Variants in SLC44A1 observed in about 807,000 individuals in gnomAD.
The protein encoded by SLC44A1 is choline transporter-like protein 1.
In SLC44A1, 26 loss-of-function variants were observed where a neutral mutation model predicts 79.3. The ratio of observed to expected loss-of-function variants is 0.33; its 90% CI spans 0.24 to 0.46. SLC44A1 has a LOEUF of 0.46. SLC44A1 is among the 20% of genes least tolerant of loss of function. SLC44A1 has a pLI of 1.00. For missense variants in SLC44A1, 688 were observed against 798.1 expected (o/e 0.86, Z 1.66); for synonymous variants, 263 against 286.2 (o/e 0.92, Z 0.82).
chr9:105,248,726 A>G (rs1278222425), intron 1 of SLC44A1, among the ~76,000 whole-genome samples: 2 of 152,212 alleles, frequency 1.3e-5, no homozygotes, highest in East Asian at 1.9e-4. Flanking sequence ...TAAGGCTCTT[A>G]AAATTTATTC....
intron 3 of SLC44A1, among the ~76,000 whole-genome samples, chr9:105,332,248 T>C (rs1826776188): frequency 6.6e-6 from 1 of 151,818 alleles, no homozygotes; most frequent in Non-Finnish European, 1.5e-5. Context: ...GCCTCCCAAG[T>C]AGCTGGAATT....
intron 5 of SLC44A1, chr9:105,355,935 G>A (rs1184852281): frequency 4.9e-6 from 2 of 409,692 alleles, no homozygotes; most frequent in Non-Finnish European, 8.8e-6. Context: ...GTGTGTATGT[G>A]TGTGTGTGTG....
intron 1 of SLC44A1, among the ~76,000 whole-genome samples, chr9:105,268,759 A>T (rs1830016003): frequency 6.6e-6 from 1 of 152,152 alleles, no homozygotes; most frequent in Admixed American, 6.5e-5. Context: ...TTGGCCTCCA[A>T]AGTGCTGGGA....
rs114283304 is a variant in SLC44A1, at chr9:105,421,120, A to C, written c.1951-17161A>C. Among the ~76,000 whole-genome samples, 918 of 152,256 alleles carry C rather than the reference A, an allele frequency of 6.0e-3. 8 individuals carry two copies. Among genetic ancestry groups the C allele is most frequent in the African/African-American group, 0.021 (854 of 41,542 alleles). On this transcript the variant is annotated intron_variant, in intron 15 of 15. Transcript: ENST00000374724. ...TTAAAAACTATTTCACCTTAAAATT[A>C]TTTATTTTCCTTATAAAACAATACC...
intron 15 of SLC44A1, among the ~76,000 whole-genome samples, chr9:105,434,417 A>C (rs991218351): frequency 2.6e-5 from 4 of 152,232 alleles, no homozygotes; most frequent in Non-Finnish European, 5.9e-5. Flanking sequence ...AATAGAAAAA[A>C]GTGTAAAATT....
At chr9:105,296,883 A>G (rs1247913568) in intron 1 of SLC44A1, among the ~76,000 whole-genome samples, 1 of 152,186 alleles carries the variant, frequency 6.6e-6, no homozygotes, top group Non-Finnish European at 1.5e-5. Context: ...GTTCTTGATC[A>G]TAGATTTTAG....
intron 15 of SLC44A1, chr9:105,386,444 TTCTG>T: frequency 1.0e-6 from 1 of 984,046 alleles, no homozygotes; most frequent in African/African-American, 1.7e-5. Context: ...GGACTTTCCT[TTCTG>T]TCTTCTTTAC....
chr9:105,301,808 G>C (rs558559395), intron 2 of SLC44A1, among the ~76,000 whole-genome samples: 1 of 152,278 alleles, frequency 6.6e-6, no homozygotes, highest in South Asian at 2.1e-4. Context: ...ATAGGAACTG[G>C]AACTTTCTGG....
chr9:105,385,797 G>A, intron 15 of SLC44A1: 1 of 985,398 alleles, frequency 1.0e-6, no homozygotes. Flanking sequence ...TGTTGCTCTT[G>A]TTTCCTTTTT....
intron 12 of SLC44A1, among the ~76,000 whole-genome samples, chr9:105,368,567 C>T (rs1355267851): frequency 2.0e-5 from 3 of 152,086 alleles, no homozygotes; most frequent in Non-Finnish European, 4.4e-5. Flanking sequence ...AATCATTTTG[C>T]CTTGCTCTTT....
intron 1 of SLC44A1, among the ~76,000 whole-genome samples, chr9:105,277,472 A>C (rs1830234991): frequency 6.6e-6 from 1 of 152,080 alleles, no homozygotes; most frequent in African/African-American, 2.4e-5. Flanking sequence ...CTCAAATCTC[A>C]AGCAGGCCAC....
intron 4 of SLC44A1, among the ~76,000 whole-genome samples, chr9:105,346,682 T>G (rs1282700243): frequency 6.6e-6 from 1 of 152,168 alleles, no homozygotes; most frequent in Admixed American, 6.6e-5. Flanking sequence ...TCTAGTGGCA[T>G]TATATTCAAG....
intron 1 of SLC44A1, among the ~76,000 whole-genome samples, chr9:105,256,055 C>G (rs995430477): frequency 6.6e-6 from 1 of 152,066 alleles, no homozygotes; most frequent in African/African-American, 2.4e-5. Flanking sequence ...GCTCTGTCAC[C>G]CTGGCTGGAG....
chr9:105,336,803 C>A (rs1287858204), intron 4 of SLC44A1, among the ~76,000 whole-genome samples: 1 of 152,202 alleles, frequency 6.6e-6, no homozygotes, highest in Admixed American at 6.5e-5. Flanking sequence ...TTCCGTTGTT[C>A]CATGCCCTCA....
At chr9:105,324,041 G>A (rs748041194) in intron 3 of SLC44A1, among the ~76,000 whole-genome samples, 11 of 151,880 alleles carry the variant, frequency 7.2e-5, no homozygotes, top group South Asian at 2.1e-4. Context: ...TTGCTCTGTC[G>A]CCCAGGCTGG....
intron 12 of SLC44A1, 89 bp from the exon 13 acceptor site, chr9:105,374,509 T>C (rs1181432201): frequency 3.1e-6 from 4 of 1,294,432 alleles, no homozygotes; most frequent in Middle Eastern, 1.9e-4. Flanking sequence ...GAAATATTTT[T>C]AAAAGCTATG....
chr9:105,342,438 C>T (rs949500288), intron 4 of SLC44A1, among the ~76,000 whole-genome samples: 16 of 152,118 alleles, frequency 1.1e-4, no homozygotes, highest in South Asian at 6.2e-4. Context: ...GGGCATCCAC[C>T]GAGGGGTCTT....
chr9:105,376,238 T>C lies in SLC44A1; in HGVS notation c.1632+1503T>C, dbSNP rs145509121. On this transcript the variant is annotated intron_variant, in intron 13 of 15. Coordinates refer to ENST00000374720, the MANE Select transcript of SLC44A1 (RefSeq NM_080546.5). ...GAATTCACCATCTTTATTTTTGTTT[T>C]TGTTTACGTATTTATAATTTATCCC... Among the ~76,000 whole-genome samples, 31 of 152,138 alleles carry C rather than the reference T, an allele frequency of 2.0e-4. No individual in the cohort carries two copies. The South Asian group carries it at 3.9e-3, about 19-fold the overall frequency.
Position 105,362,885 on chromosome 9 carries a change from A to G in SLC44A1, c.965A>G (p.His322Arg). The change falls in exon 9 of 16, where the codon CAC becomes CGC. Residue 322 changes from histidine to arginine, a missense_variant. Physicochemically the swap from His to Arg is conservative, Grantham distance 29. Coordinates refer to ENST00000374720, the MANE Select transcript of SLC44A1 (RefSeq NM_080546.5). ...KRVALTIALFHVAGKVFIHLP... is the reference protein window; with the variant it reads ...KRVALTIALFRVAGKVFIHLP... The stretch of plus-strand genomic sequence containing the variant: ...GTTGCTCTTACCATCGCCTTGTTCC[A>G]CGTAGCTGGCAAGGTCTTCATTCAC... 6.2e-7 allele frequency: 1 copy of G among 1,613,778 alleles called. No individual in the cohort carries two copies. Among genetic ancestry groups the G allele is most frequent in the Non-Finnish European group, 8.5e-7 (1 of 1,179,884 alleles).
Sources: gnomAD v4.1 joint callset for allele counts (sites outside exome capture counted in the v4.1 genomes callset) on GRCh38, gnomAD v4.1.1 for gene constraint, MANE v1.5 for transcripts, NCBI Gene and HGNC (gene_info 2026-07-23, HGNC 2026-07-21) for gene names.